WDR41: variants seen among roughly 807,000 people sequenced by gnomAD.
WDR41 encodes the protein WD repeat domain 41.
Under a neutral mutation model 69.3 loss-of-function variants are expected in WDR41, and 63 were observed. The ratio of observed to expected loss-of-function variants is 0.91; its 90% confidence interval spans 0.74 to 1.12. The LOEUF is 1.12. WDR41 is among the 50% of genes most tolerant of loss of function. The pLI, the probability that WDR41 is intolerant of heterozygous loss-of-function variation, is 0.00. For missense variants in WDR41, 543 were observed against 534.5 expected (o/e 1.02, Z -0.16); for synonymous variants, 185 against 192.1 (o/e 0.96, Z 0.31).
intron 12 of WDR41, among the ~76,000 whole-genome samples, chr5:77,435,187 G>A (rs533225611): frequency 1.3e-5 from 2 of 152,208 alleles, no homozygotes; most frequent in African/African-American, 4.8e-5. Context: ...GGAAAGCAAA[G>A]ATAACTATGA....
rs181323345 is a variant in WDR41, at chr5:77,512,586, C to G, written c.43-23014G>C. On this transcript the variant is annotated intron_variant, in intron 1 of 5. Transcript: ENST00000509971. The stretch of plus-strand genomic sequence containing the variant: ...CCAATGTGGTGAAACCCTGCCTCTA[C>G]TAAAAATACAAAAATTAGCCAGGGG... Among the ~76,000 whole-genome samples, 58 of 151,772 alleles carry G rather than the reference C, an allele frequency of 3.8e-4. No homozygotes were observed. The East Asian group carries it at 0.01, about 27-fold the overall frequency.
At chr5:77,568,994 C>T (rs995877717) in intron 1 of WDR41, among the ~76,000 whole-genome samples, 24 of 152,152 alleles carry the variant, frequency 1.6e-4, no homozygotes, top group African/African-American at 4.1e-4. Context: ...TCTCATCAGA[C>T]GTCACCCCAT....
intron 1 of WDR41, among the ~76,000 whole-genome samples, chr5:77,565,462 T>C (rs1743606541): frequency 6.6e-6 from 1 of 152,102 alleles, no homozygotes; most frequent in Non-Finnish European, 1.5e-5. Context: ...TCATTTTCCC[T>C]GAGCTGGGAG....
intron 1 of WDR41, among the ~76,000 whole-genome samples, chr5:77,582,162 C>A (rs1466114085): frequency 6.6e-6 from 1 of 152,044 alleles, no homozygotes; most frequent in Admixed American, 6.6e-5. Context: ...AACATTATTA[C>A]CAAACTTACA....
chr5:77,522,128 C>A (rs1802379715), intron 1 of WDR41, among the ~76,000 whole-genome samples: 1 of 152,154 alleles, frequency 6.6e-6, no homozygotes, highest in South Asian at 2.1e-4. Context: ...CTTTGATATG[C>A]TTTCAAGTTC....
At chr5:77,575,600 G>A (rs1027112619) in intron 1 of WDR41, among the ~76,000 whole-genome samples, 1 of 152,182 alleles carries the variant, frequency 6.6e-6, no homozygotes, top group African/African-American at 2.4e-5. Context: ...GTGTGCTCAG[G>A]TGTGCCCAAG....
intron 1 of WDR41, among the ~76,000 whole-genome samples, chr5:77,538,680 C>T (rs947133550): frequency 6.6e-6 from 1 of 152,160 alleles, no homozygotes; most frequent in African/African-American, 2.4e-5. Context: ...GACAGGATTT[C>T]ATTCTTTAAA....
chr5:77,520,087 G>T (rs1802350578), intron 1 of WDR41, among the ~76,000 whole-genome samples: 1 of 152,072 alleles, frequency 6.6e-6, no homozygotes. Flanking sequence ...ATTCAGATGA[G>T]AATGCCACGA....
rs565341527 is a variant in WDR41 at position 77,572,678 on chromosome 5, C to T, written c.42+47801G>A. Among the ~76,000 whole-genome samples, 15 of 152,312 alleles carry T rather than the reference C, an allele frequency of 9.8e-5. No homozygotes were observed. The East Asian group carries it at 2.7e-3, about 27-fold the overall frequency. ...CCAATGTACTGAAAAGTTTGCTTAT[C>T]AAGACCACCTTCCCCACTATAGTGA... On this transcript the variant is annotated intron_variant, in intron 1 of 5. Transcript: ENST00000509971.
chr5:77,610,094 G>A (rs1744516621), intron 1 of WDR41, among the ~76,000 whole-genome samples: 1 of 148,622 alleles, frequency 6.7e-6, no homozygotes, highest in Non-Finnish European at 1.5e-5. Context: ...AAGTGAGAAG[G>A]GAAGTTTAGA....
chr5:77,446,753 T>C (rs948744306), intron 8 of WDR41, among the ~76,000 whole-genome samples: 3 of 152,160 alleles, frequency 2.0e-5, no homozygotes, highest in Non-Finnish European at 4.4e-5. Context: ...ACCCCTTCCT[T>C]ACACCTTATA....
At chr5:77,502,396 A>C (rs531231792) in intron 1 of WDR41, among the ~76,000 whole-genome samples, 127 of 152,264 alleles carry the variant, frequency 8.3e-4, no homozygotes, top group South Asian at 1.9e-3. Flanking sequence ...TACGTTTGAT[A>C]GGTGTACCTG....
intron 1 of WDR41, among the ~76,000 whole-genome samples, chr5:77,594,269 G>GT (rs1396295119): frequency 1.7e-5 from 2 of 117,472 alleles, no homozygotes; most frequent in Admixed American, 2.0e-4. Flanking sequence ...CTGTTGTGGG[G>GT]TGGGGGGAGG....
intron 8 of WDR41, among the ~76,000 whole-genome samples, chr5:77,443,495 T>C (rs1799255122): frequency 6.6e-6 from 1 of 152,162 alleles, no homozygotes; most frequent in South Asian, 2.1e-4. Flanking sequence ...ATTTCTATAG[T>C]TTATTAACAG....
At chr5:77,558,478 C>T (rs937941249) in intron 1 of WDR41, among the ~76,000 whole-genome samples, 1 of 152,184 alleles carries the variant, frequency 6.6e-6, no homozygotes, top group African/African-American at 2.4e-5. Context: ...TGACCTGCAC[C>T]GAATTCCCCA....
Position 77,538,894 on chromosome 5 carries a change from C to A in WDR41, c.43-49322G>T, listed in dbSNP as rs966704391. ...AAGTCTTTTTCTATATTATTTCACA[C>A]CATCTGTCTCAGTGAGTTTGGGCTA... On this transcript the variant is annotated intron_variant, in intron 1 of 5. Transcript: ENST00000509971. Among the ~76,000 whole-genome samples the A allele has an allele frequency of 4.6e-5, 7 of 152,144 alleles. No homozygotes were observed. The East Asian group carries it at 1.3e-3, about 29-fold the overall frequency.
intron 1 of WDR41, among the ~76,000 whole-genome samples, chr5:77,528,983 G>T (rs1208600774): frequency 6.6e-6 from 1 of 151,342 alleles, no homozygotes; most frequent in Non-Finnish European, 1.5e-5. Flanking sequence ...AGATAAGAAT[G>T]CCCACTGTCA....
At chr5:77,468,180 C>T (rs1800390204) in intron 2 of WDR41, among the ~76,000 whole-genome samples, 1 of 152,028 alleles carries the variant, frequency 6.6e-6, no homozygotes, top group Admixed American at 6.6e-5. Context: ...TCCTCTCATC[C>T]CCTAATTATG....
intron 12 of WDR41, among the ~76,000 whole-genome samples, chr5:77,434,700 G>GA (rs202142187): frequency 8.7e-5 from 13 of 150,280 alleles, no homozygotes; most frequent in Non-Finnish European, 1.2e-4. Context: ...CTGTCTCAAA[G>GA]AAAAAAAAAG....
Sources: allele counts gnomAD v4.1 joint callset (sites outside exome capture counted in the v4.1 genomes callset), GRCh38; gene constraint gnomAD v4.1.1; transcripts MANE v1.5; gene names NCBI Gene and HGNC (gene_info 2026-07-23, HGNC 2026-07-21).